The following NHLRC2 variants were observed in gnomAD, a reference collection of about 807,000 sequenced individuals.
NHLRC2 encodes the protein NHL repeat containing 2.
In NHLRC2, 33 loss-of-function variants were observed where a neutral mutation model predicts 68.1. The observed-to-expected ratio is 0.48, with a 90% CI of 0.37 to 0.65. NHLRC2 has a LOEUF of 0.65. NHLRC2 is among the 30% of genes least tolerant of loss of function. The pLI, the probability that NHLRC2 is intolerant of heterozygous loss-of-function variation, is 0.00. For synonymous variants in NHLRC2, 311 were observed against 309.6 expected (o/e 1.00, Z -0.05); for missense variants, 761 against 853.8 (o/e 0.89, Z 1.35).
rs3841343 is a variant in NHLRC2, at chr10:113,902,327, TC to T, written c.1372-142del. On this transcript the variant is annotated intron_variant, in intron 7 of 10. Coordinates refer to ENST00000369301, the MANE Select transcript of NHLRC2 (RefSeq NM_198514.4). ...TTTTTTTTCTAATCTGAATGAAGTA[TC>T]CAACCCTATTTATATGAAAATCAGC... 431 of 610,788 alleles carry T rather than the reference TC, an allele frequency of 7.1e-4. 2 individuals carry two copies. The East Asian group carries it at 0.012, about 17-fold the overall frequency. The allele number at this position is 610,788 out of a possible 1,614,324, so 37.8% of individuals were successfully genotyped here.
intron 1 of NHLRC2, among the ~76,000 whole-genome samples, chr10:113,855,368 C>T (rs112153256): frequency 3.3e-5 from 5 of 152,356 alleles, no homozygotes; most frequent in Non-Finnish European, 5.9e-5. Context: ...AACGTCCACA[C>T]CATTCTGTCC....
intron 5 of NHLRC2, among the ~76,000 whole-genome samples, chr10:113,885,069 C>T (rs1402390685): frequency 6.6e-6 from 1 of 151,578 alleles, no homozygotes; most frequent in Non-Finnish European, 1.5e-5. Flanking sequence ...TAGAATATGT[C>T]GAAAATGTAA....
intron 2 of NHLRC2, among the ~76,000 whole-genome samples, chr10:113,867,847 G>C (rs1171015019): frequency 6.6e-6 from 1 of 151,990 alleles, no homozygotes; most frequent in Non-Finnish European, 1.5e-5. Flanking sequence ...TAAACTACAC[G>C]TTCTACTATA....
chr10:113,915,518 G>A lies in NHLRC2; in HGVS notation c.*6982G>A, dbSNP rs1846374969. The A allele has an allele frequency of 3.9e-6, 1 of 256,726 alleles. No individual in the cohort carries two copies. The highest frequency in any genetic ancestry group is 7.7e-6 in the Non-Finnish European group (1 of 130,608). The allele number at this position is 256,726 out of a possible 1,614,324, so 15.9% of individuals were successfully genotyped here. A position where few individuals can be genotyped will look rare whatever the true frequency, so the allele number is the denominator to read the frequency against. On this transcript the variant is annotated 3_prime_UTR_variant, in exon 11 of 11. Transcript: ENST00000369301. ...ACTACCTTTTGCTTTTAATATACCT[G>A]GTTATCTATTTCCATTTGAAATAAA... is the stretch of plus-strand genomic sequence containing the variant.
At chr10:113,855,577 C>A in intron 1 of NHLRC2, among the ~76,000 whole-genome samples, 1 of 152,164 alleles carries the variant, frequency 6.6e-6, no homozygotes, top group Non-Finnish European at 1.5e-5. Flanking sequence ...AGGCGATTCA[C>A]CTGCCTCAGC....
At position 113,910,877 on chromosome 10, in the gene NHLRC2, A is replaced by G. The variant is rs1846322325; in HGVS notation, c.*2341A>G. The G allele has an allele frequency of 6.6e-6, 1 of 152,192 alleles. No homozygotes were observed. Among genetic ancestry groups the G allele is most frequent in the South Asian group, 2.1e-4 (1 of 4,828 alleles). 9.4% of individuals were successfully genotyped at this position (152,192 alleles called of 1,614,324 possible). A position where few individuals can be genotyped will look rare whatever the true frequency, so the allele number is the denominator to read the frequency against. On this transcript the variant is annotated 3_prime_UTR_variant, in exon 11 of 11. Transcript: ENST00000369301. ...ACTGCCAGTCTGCATTGTTTTTTAC[A>G]TTAAAAGTATTATTTATAGTAGACT...
intron 4 of NHLRC2, among the ~76,000 whole-genome samples, chr10:113,882,442 C>T (rs538468634): frequency 3.6e-4 from 54 of 151,676 alleles, no homozygotes; most frequent in African/African-American, 5.8e-4. Flanking sequence ...TATGCATTTC[C>T]CTTATGACTA....
At chr10:113,865,531 A>G (rs948940105) in intron 2 of NHLRC2, among the ~76,000 whole-genome samples, 1 of 151,138 alleles carries the variant, frequency 6.6e-6, no homozygotes, top group Non-Finnish European at 1.5e-5. Context: ...AATAGTTGAG[A>G]ATGCCATTGT....
intron 2 of NHLRC2, among the ~76,000 whole-genome samples, chr10:113,862,387 C>A (rs185699049): frequency 2.7e-5 from 4 of 150,896 alleles, no homozygotes; most frequent in Non-Finnish European, 4.4e-5. Flanking sequence ...AAATGTAATT[C>A]CTCTGGTTAC....
At chr10:113,858,499 CATT>C (rs758875381) in intron 1 of NHLRC2, 26 bp from the exon 2 acceptor site, 3 of 1,490,418 alleles carry the variant, frequency 2.0e-6, no homozygotes, top group Admixed American at 3.8e-5. Context: ...TCTCTTTAAT[CATT>C]GTAATTTATT....
At chr10:113,858,286 C>G (rs1845780573) in intron 1 of NHLRC2, among the ~76,000 whole-genome samples, 1 of 151,564 alleles carries the variant, frequency 6.6e-6, no homozygotes, top group African/African-American at 2.4e-5. Flanking sequence ...TCTTCCAAAC[C>G]CAAATACCTG....
Position 113,908,663 on chromosome 10 carries a change from C to A in NHLRC2, c.*127C>A. The A allele has an allele frequency of 1.3e-6, 1 of 773,230 alleles. No homozygotes were observed. 47.9% of individuals were successfully genotyped at this position (773,230 alleles called of 1,614,324 possible). A position where few individuals can be genotyped will look rare whatever the true frequency, so the allele number is the denominator to read the frequency against. On this transcript the variant is annotated 3_prime_UTR_variant, in exon 11 of 11. Transcript: ENST00000369301. ...CAAGATGCCCATTGCTCAGTTCAGA[C>A]AACTGATATTAAAATAAAGCTATGC...
At position 113,876,738 on chromosome 10, in the gene NHLRC2, C is replaced by A; in HGVS notation, c.549C>A (p.His183Gln). ...NMLFSLIGEG[H>Q]KDKLFLYTSI... is the part of the protein sequence containing the mutation. ...TGTTTTCTTTGATTGGAGAGGGACA[C>A]AAAGATAAATTATTTTTATATACTT... Residue 183 changes from histidine (H) to glutamine (Q), a missense_variant, in exon 3 of 11, where the codon CAC becomes CAA. By Grantham distance (24) the His-to-Gln change is conservative (BLOSUM62 0). Coordinates refer to ENST00000369301, the MANE Select transcript of NHLRC2 (RefSeq NM_198514.4). The A allele has an allele frequency of 6.2e-7, 1 of 1,612,856 alleles. No homozygotes were observed.
intron 2 of NHLRC2, among the ~76,000 whole-genome samples, chr10:113,863,483 A>C (rs1026609167): frequency 2.0e-5 from 3 of 152,164 alleles, no homozygotes; most frequent in Non-Finnish European, 4.4e-5. Flanking sequence ...GAAGAAATTT[A>C]TGGTTATAAA....
chr10:113,908,318 G>A lies in NHLRC2; in HGVS notation c.1963G>A (p.Asp655Asn). 1.2e-6 allele frequency: 2 copies of A among 1,612,912 alleles called. No individual in the cohort carries two copies. The highest frequency in any genetic ancestry group is 1.1e-5 in the South Asian group (1 of 91,058). Reference protein sequence around the residue: ...WLLQGQIAAGDIENISSQPTI... With the variant: ...WLLQGQIAAGNIENISSQPTI... ...ACTTCAAGGACAGATAGCAGCTGGA[G>A]ATATAGAGAACATTTCCAGTCAACC... Residue 655 changes from aspartate (D) to asparagine (N), a missense_variant, in exon 11 of 11, where the codon GAT becomes AAT. Transcript: ENST00000369301.
chr10:113,907,632 TAGTC>T (rs1257934720), intron 10 of NHLRC2, among the ~76,000 whole-genome samples: 4 of 152,202 alleles, frequency 2.6e-5, no homozygotes, highest in Non-Finnish European at 5.9e-5. Flanking sequence ...TTGTTATAGA[TAGTC>T]TGTTTATTTC....
In NHLRC2 at chr10:113,916,703, CTT is replaced by C. The variant is rs1846389482; in HGVS notation, c.*8169_*8170del. On this transcript the variant is annotated 3_prime_UTR_variant, in exon 11 of 11. Coordinates refer to ENST00000369301, the MANE Select transcript of NHLRC2 (RefSeq NM_198514.4). ...TATGTCAATTTTAGAAACTCAAACT[CTT>C]TCCCATCTTTTGTATGGATAAAGTT... is the stretch of plus-strand genomic sequence containing the variant. The C allele has an allele frequency of 6.6e-6, 1 of 152,142 alleles. No individual in the cohort carries two copies. Among genetic ancestry groups the C allele is most frequent in the African/African-American group, 2.4e-5 (1 of 41,442 alleles). The allele number at this position is 152,142 out of a possible 1,614,324, so 9.4% of individuals were successfully genotyped here. A position where few individuals can be genotyped will look rare whatever the true frequency, so the allele number is the denominator to read the frequency against.
intron 2 of NHLRC2, among the ~76,000 whole-genome samples, chr10:113,864,110 A>T (rs536715370): frequency 2.0e-4 from 30 of 152,340 alleles, no homozygotes; most frequent in African/African-American, 7.2e-4. Flanking sequence ...GTGAAAAAAA[A>T]TTCACAATTT....
chr10:113,895,107 C>A (rs1846165401), intron 5 of NHLRC2, among the ~76,000 whole-genome samples: 1 of 152,192 alleles, frequency 6.6e-6, no homozygotes, highest in Non-Finnish European at 1.5e-5. Flanking sequence ...CATTCAGCAT[C>A]ATTGTTTGAG....
Sources: gnomAD v4.1 joint callset for allele counts (sites outside exome capture counted in the v4.1 genomes callset) on GRCh38, gnomAD v4.1.1 for gene constraint, MANE v1.5 for transcripts, NCBI Gene and HGNC (gene_info 2026-07-23, HGNC 2026-07-21) for gene names.